Variants in GLI2 observed in about 807,000 individuals in gnomAD.
GLI2 encodes GLI family zinc finger 2.
In GLI2, 22 loss-of-function variants were observed where a neutral mutation model predicts 78.9. That is an observed-to-expected ratio of 0.28 (90% CI 0.20 to 0.40). The LOEUF is 0.40. Among genes scored for constraint, GLI2 ranks in the 10% least tolerant of loss-of-function variants. The probability of loss-of-function intolerance (pLI) is 1.00; values close to 1 mark genes in which losing one functional copy is unlikely to be tolerated. For synonymous variants in GLI2, 974 were observed against 963.7 expected (o/e 1.01, Z -0.20); for missense variants, 2,097 against 2,213.2 (o/e 0.95, Z 1.05).
At chr2:120,862,206 C>T (rs189077508) in intron 2 of GLI2, among the ~76,000 whole-genome samples, 3 of 152,332 alleles carry the variant, frequency 2.0e-5, no homozygotes, top group African/African-American at 7.2e-5. Context: ...GATGTCTATG[C>T]AGGAGGGCTT....
chr2:120,977,242 G>A (rs1424788933), intron 9 of GLI2, among the ~76,000 whole-genome samples: 2 of 152,182 alleles, frequency 1.3e-5, no homozygotes, highest in African/African-American at 2.4e-5. Context: ...GGCCACAAAT[G>A]CCAGCTATCC....
At chr2:120,874,835 G>A (rs1485404956) in intron 2 of GLI2, among the ~76,000 whole-genome samples, 7 of 152,168 alleles carry the variant, frequency 4.6e-5, no homozygotes, top group African/African-American at 1.7e-4. Context: ...GGGGTGGAGG[G>A]TACTCGGTGC....
rs1184366341 is a variant in GLI2, at chr2:120,800,488, A to ATTATT, written c.148+3028_148+3032dup. 4.0e-5 allele frequency among the ~76,000 whole-genome samples: 6 copies of ATTATT among 150,670 alleles called. No individual in the cohort carries two copies. The highest frequency in any genetic ancestry group is 1.2e-4 in the African/African-American group (5 of 41,066). ...AAAGGGATGATTTATTATTATTATT[A>ATTATT]TTATTTTATTTTTTATTTTTATTTA... On this transcript the variant is annotated intron_variant, in intron 2 of 13. Transcript: ENST00000361492. This position sits in a 1 kb window ranked among gnomAD's most constrained non-coding sequence, Gnocchi z 4.1.
intron 10 of GLI2, 61 bp from the exon 11 acceptor site, chr2:120,982,655 C>G (rs1682767553): frequency 6.8e-7 from 1 of 1,464,174 alleles, no homozygotes; most frequent in Non-Finnish European, 9.4e-7. Flanking sequence ...GAGGAAGCAG[C>G]AGCCGGCCTC....
chr2:120,902,070 T>C (rs1454138564), intron 2 of GLI2, among the ~76,000 whole-genome samples: 2 of 152,096 alleles, frequency 1.3e-5, no homozygotes, highest in African/African-American at 4.8e-5. Context: ...GAGCTGGTTC[T>C]ACGCATCTCT....
chr2:120,979,348 T>C (rs1346399406), intron 10 of GLI2, among the ~76,000 whole-genome samples: 3 of 152,208 alleles, frequency 2.0e-5, no homozygotes, highest in African/African-American at 7.2e-5. Flanking sequence ...TTTATGACTA[T>C]AGTTGGAGAG....
chr2:120,741,368 C>T (rs892804344), intron 1 of GLI2, among the ~76,000 whole-genome samples: 6 of 152,052 alleles, frequency 3.9e-5, no homozygotes, highest in Admixed American at 6.5e-5. Context: ...CTCTCTTCCT[C>T]TCCCTTCAGC....
Position 120,855,063 on chromosome 2 carries a change from G to A in GLI2, c.148+57595G>A, listed in dbSNP as rs182073422. ...TGACCCTGATTTCCTCATCTAATTT[G>A]AGAGGAGGTTTATTTGGGCAGGAAT... On this transcript the variant is annotated intron_variant, in intron 2 of 13. Coordinates refer to ENST00000361492, the MANE Select transcript of GLI2 (RefSeq NM_001374353.1). Among the ~76,000 whole-genome samples the A allele has an allele frequency of 2.6e-4, 40 of 152,354 alleles. No individual in the cohort carries two copies. The East Asian group carries it at 6.9e-3, about 26-fold the overall frequency.
chr2:120,912,531 G>GCC (rs1558876899), intron 2 of GLI2, among the ~76,000 whole-genome samples: 1 of 151,918 alleles, frequency 6.6e-6, no homozygotes, highest in African/African-American at 2.4e-5. Context: ...GTTTCCATGC[G>GCC]CCACAGTGGT....
Position 120,990,802 on chromosome 2 carries a change from C to G in GLI2, c.*127C>G. 1.5e-6 allele frequency: 1 copy of G among 684,206 alleles called. No individual in the cohort carries two copies. Among genetic ancestry groups the G allele is most frequent in the Non-Finnish European group, 2.5e-6 (1 of 406,438 alleles). 42.4% of individuals were successfully genotyped at this position (684,206 alleles called of 1,614,324 possible). On this transcript the variant is annotated 3_prime_UTR_variant, in exon 14 of 14. Coordinates refer to ENST00000361492, the MANE Select transcript of GLI2 (RefSeq NM_001374353.1). The stretch of plus-strand genomic sequence containing the variant: ...GCTTGAGGGGTTGTTGCGCAATGGC[C>G]GCTTCAGATGACAGATGTTGTAAGA...
In GLI2 at chr2:120,790,862, T is replaced by A. The variant is rs535922685; in HGVS notation, c.-30-6429T>A. Among the ~76,000 whole-genome samples the A allele has an allele frequency of 1.2e-4, 19 of 152,230 alleles. 1 individual carries two copies. The South Asian group carries it at 3.9e-3, about 32-fold the overall frequency. ...AGGTCTGAGGAGCTGGTGGAGTCCC[T>A]GACTGTCCCCCCAGGGCCCTGCAGG... is the stretch of plus-strand genomic sequence containing the variant. On this transcript the variant is annotated intron_variant, in intron 1 of 13. Coordinates refer to ENST00000361492, the MANE Select transcript of GLI2 (RefSeq NM_001374353.1).
At chr2:120,740,106 T>C (rs1682484310) in intron 1 of GLI2, among the ~76,000 whole-genome samples, 1 of 142,258 alleles carries the variant, frequency 7.0e-6, no homozygotes, top group African/African-American at 2.6e-5. Flanking sequence ...ATATCAAGAA[T>C]TAAAAAAAAA....
In GLI2 at chr2:120,962,553, G is replaced by A. The variant is rs536786807; in HGVS notation, c.644-6161G>A. ...AGGTCCAGAGGCAGGTGGTGTTGGC[G>A]TCCGCCCAGGTGAGGGTGGGCAGGT... is the stretch of plus-strand genomic sequence containing the variant. On this transcript the variant is annotated intron_variant, in intron 5 of 13. Transcript: ENST00000361492. Among the ~76,000 whole-genome samples, 29 of 152,280 alleles carry A rather than the reference G, an allele frequency of 1.9e-4. No individual in the cohort carries two copies. The South Asian group carries it at 3.1e-3, about 16-fold the overall frequency.
intron 2 of GLI2, among the ~76,000 whole-genome samples, chr2:120,866,212 G>A (rs1688126423): frequency 6.6e-6 from 1 of 152,216 alleles, no homozygotes; most frequent in African/African-American, 2.4e-5. Flanking sequence ...TAGGGCTGGA[G>A]CTTGGCCACA....
intron 2 of GLI2, among the ~76,000 whole-genome samples, chr2:120,807,292 C>T: frequency 6.6e-6 from 1 of 152,154 alleles, no homozygotes; most frequent in East Asian, 1.9e-4. Flanking sequence ...GATCCGAACC[C>T]CAGTGTCCTC....
At chr2:120,901,425 G>A (rs1678248283) in intron 2 of GLI2, among the ~76,000 whole-genome samples, 1 of 152,224 alleles carries the variant, frequency 6.6e-6, no homozygotes, top group Non-Finnish European at 1.5e-5. Context: ...TATCCCATCT[G>A]TTTGGCCGGC....
intron 2 of GLI2, among the ~76,000 whole-genome samples, chr2:120,869,505 A>G (rs1688322027): frequency 6.6e-6 from 1 of 152,198 alleles, no homozygotes; most frequent in African/African-American, 2.4e-5. Flanking sequence ...AATGGCCATA[A>G]TCCTCCTAGG....
rs3768693 is a variant in GLI2, at chr2:120,987,140, G to A, written c.2242+526G>A. On this transcript the variant is annotated intron_variant, in intron 13 of 13. Coordinates refer to ENST00000361492, the MANE Select transcript of GLI2 (RefSeq NM_001374353.1). ...CAGGGAGGACTTCATGGCGGAGGCAGCACTGTGCTCAGTCTCAAGAGGTGT... is the reference window on the plus strand; with the variant it reads ...CAGGGAGGACTTCATGGCGGAGGCAACACTGTGCTCAGTCTCAAGAGGTGT... Among the ~76,000 whole-genome samples, 103 of 152,362 alleles carry A rather than the reference G, an allele frequency of 6.8e-4. 1 individual carries two copies. The East Asian group carries it at 0.018, about 27-fold the overall frequency.
intron 1 of GLI2, among the ~76,000 whole-genome samples, chr2:120,778,982 A>C (rs1683760868): frequency 6.6e-6 from 1 of 152,246 alleles, no homozygotes; most frequent in South Asian, 2.1e-4. Flanking sequence ...AATTTGGGTT[A>C]AGAGGCCCCA....
Sources: gnomAD v4.1 joint callset for allele counts (sites outside exome capture counted in the v4.1 genomes callset) on GRCh38, gnomAD v4.1.1 for gene constraint, Gnocchi (gnomAD v3.1) non-coding constraint, MANE v1.5 for transcripts, NCBI Gene and HGNC (gene_info 2026-07-23, HGNC 2026-07-21) for gene names.